Variants in SARM1 observed in about 807,000 individuals in gnomAD.
The protein encoded by SARM1 is NAD(+) hydrolase SARM1.
A neutral mutation model predicts 65.1 loss-of-function variants in SARM1; 60 were observed. The observed-to-expected ratio is 0.92, with a 90% CI of 0.75 to 1.14. The LOEUF is 1.14. SARM1 is among the 50% of genes most tolerant of loss of function. The pLI is 0.00. For missense variants in SARM1, 913 were observed against 1,015.7 expected (o/e 0.90, Z 1.37); for synonymous variants, 417 against 465.4 (o/e 0.90, Z 1.34).
intron 7 of SARM1, among the ~76,000 whole-genome samples, chr17:28,391,869 G>A (rs958465027): frequency 3.0e-4 from 43 of 145,154 alleles, no homozygotes; most frequent in African/African-American, 9.3e-4. Flanking sequence ...CAGGTTAGAG[G>A]ACTTGACTCC....
In SARM1 at chr17:28,400,725, T is replaced by C. The variant is rs960988954; in HGVS notation, c.*4439T>C. The C allele has an allele frequency of 5.0e-6, 8 of 1,600,402 alleles. No individual in the cohort carries two copies. The South Asian group carries it at 9.0e-5, about 18-fold the overall frequency. On this transcript the variant is annotated 3_prime_UTR_variant, in exon 9 of 9. Transcript: ENST00000585482. Reference sequence around the variant, plus strand: ...TTGAAGATGCCGGAGGCCGTCAGCATGGCCAGGCTATTCACACAGGCCACA... The same window carrying C: ...TTGAAGATGCCGGAGGCCGTCAGCACGGCCAGGCTATTCACACAGGCCACA...
At chr17:28,389,421 A>G (rs1182194854) in intron 7 of SARM1, among the ~76,000 whole-genome samples, 4 of 152,204 alleles carry the variant, frequency 2.6e-5, no homozygotes, top group African/African-American at 9.6e-5. Context: ...TCAGTGCCTG[A>G]CGCATTGTAG....
chr17:28,387,763 G>A (rs1299396926), intron 5 of SARM1, among the ~76,000 whole-genome samples: 1 of 152,240 alleles, frequency 6.6e-6, no homozygotes, highest in Non-Finnish European at 1.5e-5. Context: ...TGCTTAGGAT[G>A]TATTTGTTGA....
In SARM1 at chr17:28,402,168, G is replaced by T; in HGVS notation, c.*5882G>T. On this transcript the variant is annotated 3_prime_UTR_variant, in exon 9 of 9. Transcript: ENST00000585482. ...AAGGCAAGCTGTTCCCCCAGCCATGGCTGCCCATCAGCCCGTTTCGGGCAG... is the reference window on the plus strand; with the variant it reads ...AAGGCAAGCTGTTCCCCCAGCCATGTCTGCCCATCAGCCCGTTTCGGGCAG... 2 of 1,352,308 alleles carry T rather than the reference G, an allele frequency of 1.5e-6. No individual in the cohort carries two copies. Among genetic ancestry groups the T allele is most frequent in the Non-Finnish European group, 2.0e-6 (2 of 980,286 alleles). 83.8% of individuals were successfully genotyped at this position (1,352,308 alleles called of 1,614,324 possible). A position where few individuals can be genotyped will look rare whatever the true frequency, so the allele number is the denominator to read the frequency against.
chr17:28,392,752 G>A (rs1257935385), intron 7 of SARM1, among the ~76,000 whole-genome samples: 1 of 152,128 alleles, frequency 6.6e-6, no homozygotes, highest in Non-Finnish European at 1.5e-5. Flanking sequence ...AGTTACGCAT[G>A]TTCTTTCCCC....
At chr17:28,373,599 C>T (rs1380399897) in intron 1 of SARM1, 1 of 152,148 alleles carries the variant, frequency 6.6e-6, no homozygotes, top group Non-Finnish European at 1.5e-5. Flanking sequence ...CATTAACCTC[C>T]CATCTGACAT....
At chr17:28,374,594 C>T (rs2142422735) in intron 1 of SARM1, among the ~76,000 whole-genome samples, 2 of 152,186 alleles carry the variant, frequency 1.3e-5, no homozygotes, top group Middle Eastern at 6.8e-3. Context: ...GAGAATGGGG[C>T]TGGAAAGAAG....
At position 28,402,922 on chromosome 17, in the gene SARM1, G is replaced by C. The variant is rs1437391820; in HGVS notation, c.*6636G>C. On this transcript the variant is annotated 3_prime_UTR_variant, in exon 9 of 9. Transcript: ENST00000585482. ...AGCAGAGTTATCCTGGATTAGGTTGGGCCCTAAATGCCGTCACACATATCT... is the reference window on the plus strand; with the variant it reads ...AGCAGAGTTATCCTGGATTAGGTTGCGCCCTAAATGCCGTCACACATATCT... The C allele has an allele frequency of 6.6e-6, 1 of 152,234 alleles. No homozygotes were observed. Among genetic ancestry groups the C allele is most frequent in the Non-Finnish European group, 1.5e-5 (1 of 68,076 alleles). The allele number at this position is 152,234 out of a possible 1,614,324, so 9.4% of individuals were successfully genotyped here. A position where few individuals can be genotyped will look rare whatever the true frequency, so the allele number is the denominator to read the frequency against.
At chr17:28,380,931 C>G (rs1323617051) in intron 1 of SARM1, among the ~76,000 whole-genome samples, 1 of 152,240 alleles carries the variant, frequency 6.6e-6, no homozygotes, top group Non-Finnish European at 1.5e-5. Context: ...GGGATCTGCT[C>G]CTGAGCTGAG....
intron 7 of SARM1, 110 bp from the exon 8 acceptor site, chr17:28,395,795 G>A (rs2068113781): frequency 2.5e-6 from 3 of 1,202,674 alleles, no homozygotes; most frequent in Middle Eastern, 2.0e-4. Context: ...CAGGACTGGT[G>A]TCCTGCCCTG....
At position 28,384,876 on chromosome 17, in the gene SARM1, C is replaced by A. The variant is rs1191400920; in HGVS notation, c.1340C>A (p.Thr447Lys). The A allele has an allele frequency of 3.8e-6, 6 of 1,558,528 alleles. No individual in the cohort carries two copies. Among genetic ancestry groups the A allele is most frequent in the Admixed American group, 1.9e-5 (1 of 51,934 alleles). ...GATGGCGACCTGCTTCTGCGGCTCA[C>A]GGAGGAGGAACTCCAGACCGACCTG... ...QVDGDLLLRL[T>K]EEELQTDLGM... The change falls in exon 4 of 9, where the codon ACG becomes AAG. Residue 447 changes from threonine to lysine, a missense_variant. Thr to Lys is a moderately conservative substitution (Grantham distance 78, BLOSUM62 -1). Transcript: ENST00000585482. This position sits in a 1 kb window ranked among gnomAD's most constrained non-coding sequence, Gnocchi z 4.4.
chr17:28,391,786 T>C (rs1555586935), intron 7 of SARM1, among the ~76,000 whole-genome samples: 1 of 149,326 alleles, frequency 6.7e-6, no homozygotes, highest in African/African-American at 2.5e-5. Flanking sequence ...GAATCAATGA[T>C]TAAGCAGACA....
chr17:28,371,967 CA>C lies in SARM1; in HGVS notation c.-62del. On this transcript the variant is annotated 5_prime_UTR_variant, in exon 1 of 9. Transcript: ENST00000585482. ...GACCCCTCTCGGGTCCCTCTTTTCC[CA>C]AAACCCGGGTCTCTCCGCGTGGCCC... The C allele has an allele frequency of 3.1e-6, 4 of 1,291,348 alleles. No individual in the cohort carries two copies. Among genetic ancestry groups the C allele is most frequent in the South Asian group, 1.6e-5 (1 of 61,594 alleles). 80.0% of individuals were successfully genotyped at this position (1,291,348 alleles called of 1,614,324 possible).
In SARM1 at chr17:28,401,086, CT is replaced by C; in HGVS notation, c.*4806del. Reference sequence around the variant, plus strand: ...TCTGATGAAAGCTTGATGGAAATGGCTTTTTTCTGGTTTATCCTCTTTGGAA... The same window carrying C: ...TCTGATGAAAGCTTGATGGAAATGGCTTTTTCTGGTTTATCCTCTTTGGAA... On this transcript the variant is annotated 3_prime_UTR_variant, in exon 9 of 9. Transcript: ENST00000585482. The C allele has an allele frequency of 2.7e-6, 1 of 372,536 alleles. No homozygotes were observed. Among genetic ancestry groups the C allele is most frequent in the Non-Finnish European group, 5.1e-6 (1 of 194,622 alleles). The allele number at this position is 372,536 out of a possible 1,614,324, so 23.1% of individuals were successfully genotyped here. A position where few individuals can be genotyped will look rare whatever the true frequency, so the allele number is the denominator to read the frequency against.
At position 28,371,735 on chromosome 17, in the gene SARM1, T is replaced by G. The variant is rs952821862; in HGVS notation, c.-298T>G. On this transcript the variant is annotated 5_prime_UTR_variant, in exon 1 of 9. Transcript: ENST00000585482. ...GAGCCCGTGCCCAGGCCACGCTTTGTTCCAGCCGCCGCCTCCTCTACCCTA... is the reference window on the plus strand; with the variant it reads ...GAGCCCGTGCCCAGGCCACGCTTTGGTCCAGCCGCCGCCTCCTCTACCCTA... The G allele has an allele frequency of 1.5e-4, 45 of 298,004 alleles. No individual in the cohort carries two copies. The highest frequency in any genetic ancestry group is 1.6e-4 in the Admixed American group (3 of 19,182). 18.5% of individuals were successfully genotyped at this position (298,004 alleles called of 1,614,324 possible).
Position 28,388,307 on chromosome 17 carries a change from C to A in SARM1, c.1733+31C>A, listed in dbSNP as rs540224411. 1.9e-5 allele frequency: 30 copies of A among 1,598,576 alleles called. No homozygotes were observed. The Admixed American group carries it at 3.0e-4, about 16-fold the overall frequency. Reference sequence around the variant, plus strand: ...GAGGGGCGGGCGGGCAGCGACGGGGCGTGGGGACAAGGCTGTGGCACTGAC... The same window carrying A: ...GAGGGGCGGGCGGGCAGCGACGGGGAGTGGGGACAAGGCTGTGGCACTGAC... On this transcript the variant is annotated intron_variant, in intron 6 of 8. Coordinates refer to ENST00000585482, the MANE Select transcript of SARM1 (RefSeq NM_015077.4).
rs782176719 is a variant in SARM1, at chr17:28,388,100, A to T, written c.1631-74A>T. The T allele has an allele frequency of 4.0e-5, 47 of 1,179,726 alleles. No homozygotes were observed. The Middle Eastern group carries it at 1.4e-3, about 34-fold the overall frequency. 73.1% of individuals were successfully genotyped at this position (1,179,726 alleles called of 1,614,324 possible). On this transcript the variant is annotated intron_variant, in intron 5 of 8. Coordinates refer to ENST00000585482, the MANE Select transcript of SARM1 (RefSeq NM_015077.4). Reference sequence around the variant, plus strand: ...GCTTGGTGGACTGGGGACTAAGTCCACAAGGGATGATATACCTGACAGTGA... The same window carrying T: ...GCTTGGTGGACTGGGGACTAAGTCCTCAAGGGATGATATACCTGACAGTGA...
chr17:28,384,823 C>T lies in SARM1; in HGVS notation c.1303-16C>T, dbSNP rs2142431382. 1.3e-6 allele frequency: 2 copies of T among 1,551,288 alleles called. No homozygotes were observed. The highest frequency in any genetic ancestry group is 1.2e-5 in the South Asian group (1 of 84,058). ...GGAGTAGCGAAGCCCTTCCTGACAC[C>T]CGACTCCTCCCCCAGGAGCAGCAGG... On this transcript the variant is annotated splice_polypyrimidine_tract_variant and intron_variant, in intron 3 of 8. Coordinates refer to ENST00000585482, the MANE Select transcript of SARM1 (RefSeq NM_015077.4). This position sits in a 1 kb window ranked among gnomAD's most constrained non-coding sequence, Gnocchi z 4.4.
rs976354572 is a variant in SARM1, at chr17:28,403,978, A to T, written c.*7692A>T. The stretch of plus-strand genomic sequence containing the variant: ...CAGTGAGCCATGATCGTGCCACTGC[A>T]CTCTAGCCTGGGTAACAAAGCGAGA... On this transcript the variant is annotated 3_prime_UTR_variant, in exon 9 of 9. Transcript: ENST00000585482. 7.8e-5 allele frequency: 12 copies of T among 154,556 alleles called. No homozygotes were observed. Among genetic ancestry groups the T allele is most frequent in the African/African-American group, 2.4e-4 (10 of 41,452 alleles). 9.6% of individuals were successfully genotyped at this position (154,556 alleles called of 1,614,324 possible).
Sources: allele counts gnomAD v4.1 joint callset (sites outside exome capture counted in the v4.1 genomes callset), GRCh38; gene constraint gnomAD v4.1.1; non-coding constraint Gnocchi (gnomAD v3.1); transcripts MANE v1.5; gene names NCBI Gene and HGNC (gene_info 2026-07-23, HGNC 2026-07-21).